The following HS3ST6 variants were observed in gnomAD, a reference collection of about 807,000 sequenced individuals.
HS3ST6 encodes the protein heparan sulfate glucosamine 3-O-sulfotransferase 6.
Under a neutral mutation model 11.0 loss-of-function variants are expected in HS3ST6, and 13 were observed. The ratio of observed to expected loss-of-function variants is 1.18; its 90% CI spans 0.77 to 1.88. The LOEUF (loss-of-function observed/expected upper bound fraction) is 1.88. Ranked by LOEUF, HS3ST6 falls within the 40% of genes most tolerant of loss-of-function variation. HS3ST6 has a pLI of 0.00. For synonymous variants in HS3ST6, 232 were observed against 230.6 expected (o/e 1.01, Z -0.06); for missense variants, 541 against 494.4 (o/e 1.09, Z -0.89).
chr16:1,918,871 T>A (rs1387174241), upstream of HS3ST6, among the ~76,000 whole-genome samples: 1 of 151,862 alleles, frequency 6.6e-6, no homozygotes, highest in Non-Finnish European at 1.5e-5. This position sits in a 1 kb window ranked among gnomAD's most constrained non-coding sequence, Gnocchi z 6.0. Flanking sequence ...ATCCGGGCAC[T>A]CGGCCTGCCA....
At chr16:1,919,755 G>A (rs1156900853), upstream of HS3ST6, among the ~76,000 whole-genome samples, 4 of 152,240 alleles carry the variant, frequency 2.6e-5, no homozygotes, top group African/African-American at 9.6e-5. Context: ...GGGGCCACAC[G>A]GGGCTGACGG....
intron 1 of HS3ST6, among the ~76,000 whole-genome samples, chr16:1,916,293 C>G (rs978096695): frequency 6.6e-6 from 1 of 152,148 alleles, no homozygotes; most frequent in African/African-American, 2.4e-5. Context: ...GAGGCAGAAG[C>G]CACGGGACTG....
upstream of HS3ST6, among the ~76,000 whole-genome samples, chr16:1,920,270 C>G (rs1359998819): frequency 6.9e-6 from 1 of 144,296 alleles, no homozygotes; most frequent in African/African-American, 2.5e-5. Context: ...TCAGCAGTCC[C>G]CACGGTCTCA....
intron 1 of HS3ST6, among the ~76,000 whole-genome samples, chr16:1,913,927 C>T (rs1026098662): frequency 8.5e-5 from 13 of 152,150 alleles, no homozygotes; most frequent in African/African-American, 2.4e-4. Context: ...ATGAGCGGTG[C>T]AGAGTAGGGG....
At chr16:1,917,810 C>G (rs2082936279) in intron 1 of HS3ST6, 101 bp downstream of exon 1, 2 of 985,990 alleles carry the variant, frequency 2.0e-6, no homozygotes, top group African/African-American at 1.7e-5. Flanking sequence ...GGAGCGCACC[C>G]CTGCTCCCTG....
Position 1,912,077 on chromosome 16 carries a change from C to T in HS3ST6, c.542G>A (p.Arg181Gln), listed in dbSNP as rs765557392. The part of the protein sequence containing the change: ...SPDTKLIVVV[R>Q]NPVTRAISDY... ...GGAGATGGCCCGGGTCACGGGGTTC[C>T]GCACCACCACGATCAGCTTCGTGTC... Residue 181 changes from arginine to glutamine, a missense_variant, in exon 2 of 2, where the codon CGG becomes CAG. Transcript: ENST00000454677. The surrounding 1 kb of genome is among the most constrained non-coding windows in gnomAD (Gnocchi z 5.6). 1.9e-5 allele frequency: 28 copies of T among 1,512,192 alleles called. No homozygotes were observed. In the East Asian group the frequency reaches 2.1e-4, roughly 11 times the overall value. The allele number at this position is 1,512,192 out of a possible 1,614,324, so 93.7% of individuals were successfully genotyped here.
chr16:1,914,520 G>T (rs749278888), intron 1 of HS3ST6, among the ~76,000 whole-genome samples: 2 of 152,116 alleles, frequency 1.3e-5, no homozygotes, highest in Admixed American at 1.3e-4. Context: ...CTCCCGTCTC[G>T]GGCATACTGA....
upstream of HS3ST6, among the ~76,000 whole-genome samples, chr16:1,919,345 C>G (rs963904909): frequency 2.0e-5 from 3 of 152,216 alleles, no homozygotes; most frequent in Non-Finnish European, 4.4e-5. Context: ...GTGGGACCTG[C>G]GGGGGCCGCT....
At chr16:1,915,462 G>C (rs982401953) in intron 1 of HS3ST6, among the ~76,000 whole-genome samples, 2 of 152,172 alleles carry the variant, frequency 1.3e-5, no homozygotes, top group African/African-American at 4.8e-5. Context: ...TTTTAGTAGA[G>C]ATGGGGTTTC....
At chr16:1,918,743 C>A (rs1351792041), upstream of HS3ST6, among the ~76,000 whole-genome samples, 3 of 152,098 alleles carry the variant, frequency 2.0e-5, no homozygotes, top group African/African-American at 7.2e-5. The surrounding 1 kb of genome is among the most constrained non-coding windows in gnomAD (Gnocchi z 6.0). Flanking sequence ...GTTTGAAGAC[C>A]GATCCCCTTC....
At chr16:1,913,723 G>A (rs533343396) in intron 1 of HS3ST6, among the ~76,000 whole-genome samples, 24 of 152,142 alleles carry the variant, frequency 1.6e-4, no homozygotes, top group African/African-American at 3.9e-4. Context: ...AGGAGTGACC[G>A]CCCCAGACTT....
Position 1,912,333 on chromosome 16 carries a change from C to G in HS3ST6, c.414-128G>C, listed in dbSNP as rs1597008901. 1.2e-6 allele frequency: 1 copy of G among 839,024 alleles called. No individual in the cohort carries two copies. Among genetic ancestry groups the G allele is most frequent in the African/African-American group, 1.8e-5 (1 of 56,518 alleles). The allele number at this position is 839,024 out of a possible 1,614,324, so 52.0% of individuals were successfully genotyped here. On this transcript the variant is annotated intron_variant, in intron 1 of 1. Coordinates refer to ENST00000454677, the MANE Select transcript of HS3ST6 (RefSeq NM_001009606.4). The surrounding 1 kb of genome is among the most constrained non-coding windows in gnomAD (Gnocchi z 5.6). ...CTCCAGGGCGAGCAAGTCTTCCTCCCTGCTCGGGCCCACCCCTGCTAGCGT... is the reference window on the plus strand; with the variant it reads ...CTCCAGGGCGAGCAAGTCTTCCTCCGTGCTCGGGCCCACCCCTGCTAGCGT...
chr16:1,919,764 G>A (rs79321381), upstream of HS3ST6, among the ~76,000 whole-genome samples: 556 of 152,374 alleles, frequency 3.6e-3, 3 homozygotes, highest in African/African-American at 0.013. Context: ...CGGGGCTGAC[G>A]GGGTGAAGAC....
chr16:1,919,422 G>T (rs772847149), upstream of HS3ST6, among the ~76,000 whole-genome samples: 1 of 152,226 alleles, frequency 6.6e-6, no homozygotes, highest in Non-Finnish European at 1.5e-5. Flanking sequence ...GGGGAGGCGA[G>T]CCGGGCTCAG....
chr16:1,912,214 C>G lies in HS3ST6; in HGVS notation c.414-9G>C. 1.4e-6 allele frequency: 2 copies of G among 1,404,722 alleles called. No individual in the cohort carries two copies. Among genetic ancestry groups the G allele is most frequent in the South Asian group, 3.9e-5 (2 of 51,904 alleles). The allele number at this position is 1,404,722 out of a possible 1,614,324, so 87.0% of individuals were successfully genotyped here. A position where few individuals can be genotyped will look rare whatever the true frequency, so the allele number is the denominator to read the frequency against. ...TTCGGGGCATCAGACTCCTGCGGGA[C>G]GGGTGCAAGGAGAGGGGGCCTGAGC... On this transcript the variant is annotated splice_polypyrimidine_tract_variant and intron_variant, in intron 1 of 1. Coordinates refer to ENST00000454677, the MANE Select transcript of HS3ST6 (RefSeq NM_001009606.4). This position sits in a 1 kb window ranked among gnomAD's most constrained non-coding sequence, Gnocchi z 5.6.
Position 1,911,990 on chromosome 16 carries a change from C to A in HS3ST6, c.629G>T (p.Arg210Leu). 1 of 1,539,054 alleles carries A rather than the reference C, an allele frequency of 6.5e-7. No individual in the cohort carries two copies. The highest frequency in any genetic ancestry group is 8.7e-7 in the Non-Finnish European group (1 of 1,143,252). Residue 210 changes from arginine to leucine, a missense_variant, in exon 2 of 2, where the codon CGC becomes CTC. By Grantham distance (102) the Arg-to-Leu change is moderately radical. Transcript: ENST00000454677. The part of the protein sequence containing the change: ...GLPSFRALAF[R>L]HGLGPVDTAW... ...TGTGTCCACGGGGCCCAGGCCGTGGCGGAAGGCCAGGGCGCGGAAGCTGGG... is the reference window on the plus strand; with the variant it reads ...TGTGTCCACGGGGCCCAGGCCGTGGAGGAAGGCCAGGGCGCGGAAGCTGGG...
rs950066651 is a variant in HS3ST6, at chr16:1,912,241, T to C, written c.414-36A>G. ...GGTGCAAGGAGAGGGGGCCTGAGCC[T>C]CCCCAGCCCTAGACCGGCCCCCAGG... is the stretch of plus-strand genomic sequence containing the variant. On this transcript the variant is annotated intron_variant, in intron 1 of 1. Transcript: ENST00000454677. The surrounding 1 kb of genome is among the most constrained non-coding windows in gnomAD (Gnocchi z 5.6). The C allele has an allele frequency of 1.5e-6, 2 of 1,349,878 alleles. No homozygotes were observed. Among genetic ancestry groups the C allele is most frequent in the Non-Finnish European group, 1.9e-6 (2 of 1,049,756 alleles). 83.6% of individuals were successfully genotyped at this position (1,349,878 alleles called of 1,614,324 possible).
Position 1,912,832 on chromosome 16 carries a change from C to T in HS3ST6, c.414-627G>A, listed in dbSNP as rs2082900217. On this transcript the variant is annotated intron_variant, in intron 1 of 1. Coordinates refer to ENST00000454677, the MANE Select transcript of HS3ST6 (RefSeq NM_001009606.4). The surrounding 1 kb of genome is among the most constrained non-coding windows in gnomAD (Gnocchi z 5.6). ...TTTGAGACGGAGTCTTGCTCTGTCA[C>T]CCAGGCTGGAGTGTAGTGGTGCAAT... 6.6e-6 allele frequency among the ~76,000 whole-genome samples: 1 copy of T among 152,172 alleles called. No individual in the cohort carries two copies. Among genetic ancestry groups the T allele is most frequent in the South Asian group, 2.1e-4 (1 of 4,834 alleles).
At position 1,911,807 on chromosome 16, in the gene HS3ST6, C is replaced by G. The variant is rs369600773; in HGVS notation, c.812G>C (p.Arg271Pro). The change falls in exon 2 of 2, where the codon CGG (arginine) becomes CCG (proline). Residue 271 changes from arginine to proline, a missense_variant. By Grantham distance (103) the Arg-to-Pro change is moderately radical (BLOSUM62 -2). Transcript: ENST00000454677. ...GRVQDFLGLK[R>P]VVTDKHFYFN... ...GTAGAAGTGCTTGTCCGTGACGACCCGTTTCAGGCCCAGGAAGTCCTGCAC... is the reference window on the plus strand; with the variant it reads ...GTAGAAGTGCTTGTCCGTGACGACCGGTTTCAGGCCCAGGAAGTCCTGCAC... The G allele has an allele frequency of 1.9e-6, 3 of 1,613,866 alleles. No individual in the cohort carries two copies. The highest frequency in any genetic ancestry group is 2.5e-6 in the Non-Finnish European group (3 of 1,179,838).
Sources: allele counts gnomAD v4.1 joint callset (sites outside exome capture counted in the v4.1 genomes callset), GRCh38; gene constraint gnomAD v4.1.1; non-coding constraint Gnocchi (gnomAD v3.1); transcripts MANE v1.5; gene names NCBI Gene and HGNC (gene_info 2026-07-23, HGNC 2026-07-21).